The following HNF4G variants were observed in gnomAD, a reference collection of about 807,000 sequenced individuals.
The protein encoded by HNF4G is hepatocyte nuclear factor 4 gamma.
In HNF4G, 21 loss-of-function variants were observed where a neutral mutation model predicts 50.9. The ratio of observed to expected loss-of-function variants is 0.41; its 90% CI spans 0.29 to 0.59. HNF4G has a LOEUF of 0.59. Ranked by LOEUF, HNF4G falls within the 20% of genes least tolerant of loss-of-function variation. The pLI is 0.26. For missense variants in HNF4G, 527 were observed against 559.4 expected, an observed-to-expected ratio of 0.94 and a Z score of 0.58; for synonymous variants, 198 against 185.6, an observed-to-expected ratio of 1.07 and a Z score of -0.54.
intron 1 of HNF4G, among the ~76,000 whole-genome samples, chr8:75,482,555 A>C (rs897767532): frequency 6.6e-6 from 1 of 152,092 alleles, no homozygotes; most frequent in African/African-American, 2.4e-5. Context: ...TTTTATAGAG[A>C]TGGGGTTTCA....
intron 2 of HNF4G, among the ~76,000 whole-genome samples, chr8:75,492,894 T>G (rs1225492143): frequency 6.6e-6 from 1 of 152,060 alleles, no homozygotes; most frequent in Non-Finnish European, 1.5e-5. Flanking sequence ...TTTTCCCTTT[T>G]TGGAGCAGGG....
upstream of HNF4G, among the ~76,000 whole-genome samples, chr8:75,535,164 C>A (rs1806429837): frequency 6.6e-6 from 1 of 151,704 alleles, no homozygotes. Context: ...TCATAAGAGG[C>A]AATTTCAAAC....
At chr8:75,510,847 T>C (rs1404192844) in intron 2 of HNF4G, among the ~76,000 whole-genome samples, 1 of 152,144 alleles carries the variant, frequency 6.6e-6, no homozygotes. Context: ...TTTATGTGGT[T>C]GGATTCTATG....
At position 75,553,044 on chromosome 8, in the gene HNF4G, C is replaced by G; in HGVS notation, c.492C>G (p.Ile164Met). 1 of 1,602,824 alleles carries G rather than the reference C, an allele frequency of 6.2e-7. No homozygotes were observed. Among genetic ancestry groups the G allele is most frequent in the Non-Finnish European group, 8.5e-7 (1 of 1,172,980 alleles). Residue 164 changes from isoleucine to methionine, a missense_variant and splice_region_variant, in exon 5 of 10, where the codon ATC becomes ATG. By Grantham distance (10) the Ile-to-Met change is conservative. Transcript: ENST00000396423. Reference sequence around the variant, plus strand: ...TATAATGCTTTTCTTAATACTAGATCTCAGTCTCAAGCCCTGGGTCAAGCA... The same window carrying G: ...TATAATGCTTTTCTTAATACTAGATGTCAGTCTCAAGCCCTGGGTCAAGCA... ...LAQAEVRSRQ[I>M]SVSSPGSSTD...
chr8:75,426,744 A>G (rs1266831013), intron 1 of HNF4G, among the ~76,000 whole-genome samples: 2 of 152,184 alleles, frequency 1.3e-5, no homozygotes, highest in Non-Finnish European at 2.9e-5. Context: ...TGGAGGATAA[A>G]AGGTTGTTTA....
rs9643695 is a variant in HNF4G at position 75,479,856 on chromosome 8, T to C, written c.-143-10233T>C. 5.6e-4 allele frequency among the ~76,000 whole-genome samples: 85 copies of C among 152,268 alleles called. No individual in the cohort carries two copies. The East Asian group carries it at 0.016, about 29-fold the overall frequency. ...ATCACATCAATGTTTTCAAGTTTAT[T>C]TGTATCAATTTGAGGAAAGTAGTCT... On this transcript the variant is annotated intron_variant, in intron 1 of 10. Coordinates refer to the HNF4G transcript ENST00000354370.
chr8:75,564,390 G>A lies in HNF4G; in HGVS notation c.*294G>A. ...TGAATCTTATGTATGAGTTTCATTT[G>A]TTTTATTAATGTTAATTTAAATCTG... On this transcript the variant is annotated 3_prime_UTR_variant, in exon 10 of 10. Coordinates refer to ENST00000396423, the MANE Select transcript of HNF4G (RefSeq NM_004133.5). 1 of 219,282 alleles carries A rather than the reference G, an allele frequency of 4.6e-6. No homozygotes were observed. The highest frequency in any genetic ancestry group is 9.7e-5 in the East Asian group (1 of 10,290). 13.6% of individuals were successfully genotyped at this position (219,282 alleles called of 1,614,324 possible).
At chr8:75,557,547 A>T (rs1807168523) in intron 6 of HNF4G, among the ~76,000 whole-genome samples, 1 of 152,260 alleles carries the variant, frequency 6.6e-6, no homozygotes, top group African/African-American at 2.4e-5. Flanking sequence ...CTTGAACCTG[A>T]GCAGCAGAGG....
At chr8:75,560,994 T>C (rs1009099845) in intron 9 of HNF4G, among the ~76,000 whole-genome samples, 1 of 151,562 alleles carries the variant, frequency 6.6e-6, no homozygotes, top group African/African-American at 2.4e-5. Context: ...TATTTCTCTA[T>C]AAAAAAAAAT....
chr8:75,534,320 A>C (rs931701743), intron 2 of HNF4G, among the ~76,000 whole-genome samples: 3 of 151,600 alleles, frequency 2.0e-5, no homozygotes, highest in Non-Finnish European at 3.0e-5. Context: ...AATGCTAATC[A>C]GCTCCTTATC....
At chr8:75,526,209 A>G (rs1026257094) in intron 2 of HNF4G, among the ~76,000 whole-genome samples, 4 of 150,796 alleles carry the variant, frequency 2.7e-5, no homozygotes, top group African/African-American at 9.8e-5. Flanking sequence ...GCTCACTGAA[A>G]CCTCAATCTC....
intron 1 of HNF4G, among the ~76,000 whole-genome samples, chr8:75,541,204 T>A (rs1225569363): frequency 6.6e-6 from 1 of 152,116 alleles, no homozygotes; most frequent in Admixed American, 6.6e-5. Flanking sequence ...ATATTTGCCA[T>A]AATCATAACA....
rs1484835477 is a variant in HNF4G, at chr8:75,558,533, T to C, written c.749T>C (p.Ile250Thr). 6.2e-7 allele frequency: 1 copy of C among 1,612,428 alleles called. No homozygotes were observed. Reference protein sequence around the residue: ...DILLLGNNYVIHRNSCEVEIS... With the variant: ...DILLLGNNYVTHRNSCEVEIS... ...TCTCTCATAGGAAACAACTATGTTA[T>C]TCACCGCAACAGCTGTGAAGTTGAG... Residue 250 changes from isoleucine to threonine, a missense_variant, in exon 7 of 10, where the codon ATT becomes ACT. This residue lies in a region of HNF4G where 308 missense variants were observed against 301.5 expected (regional missense o/e 1.02). Transcript: ENST00000396423.
intron 1 of HNF4G, among the ~76,000 whole-genome samples, chr8:75,426,750 G>GT (rs1810898763): frequency 6.6e-6 from 1 of 152,160 alleles, no homozygotes; most frequent in South Asian, 2.1e-4. Context: ...ATAAAAGGTT[G>GT]TTTAGTGAAA....
At chr8:75,474,688 T>C (rs1812198139) in intron 1 of HNF4G, among the ~76,000 whole-genome samples, 1 of 147,474 alleles carries the variant, frequency 6.8e-6, no homozygotes, top group Admixed American at 6.6e-5. Flanking sequence ...GGAGATGGAA[T>C]TATTATTTTT....
chr8:75,416,259 CT>C (rs1227591139), intron 1 of HNF4G, among the ~76,000 whole-genome samples: 2 of 152,080 alleles, frequency 1.3e-5, no homozygotes, highest in African/African-American at 4.8e-5. Context: ...GCTCAGGGCT[CT>C]GCCCTGACTT....
chr8:75,560,520 A>C, intron 9 of HNF4G, 54 bp downstream of exon 9: 1 of 1,554,794 alleles, frequency 6.4e-7, no homozygotes, highest in Non-Finnish European at 8.7e-7. Flanking sequence ...CCCAAGAAAA[A>C]GTGGAATTGT....
chr8:75,495,101 A>G (rs558922305), intron 2 of HNF4G, among the ~76,000 whole-genome samples: 1 of 152,312 alleles, frequency 6.6e-6, no homozygotes, highest in South Asian at 2.1e-4. Context: ...TTGGAACACA[A>G]TGACTTTTGC....
At chr8:75,504,553 C>T (rs2977903) in intron 2 of HNF4G, among the ~76,000 whole-genome samples, 42,593 of 151,830 alleles carry the variant, frequency 0.28, 7,445 homozygotes, top group African/African-American at 0.5. Flanking sequence ...TTGCTGTTAG[C>T]GTTGCACGAG....
Sources: allele counts gnomAD v4.1 joint callset (sites outside exome capture counted in the v4.1 genomes callset), GRCh38; gene constraint gnomAD v4.1.1; regional missense constraint gnomAD v4.1.1; transcripts MANE v1.5; gene names NCBI Gene and HGNC (gene_info 2026-07-23, HGNC 2026-07-21).